METTL15: variants seen among roughly 807,000 people sequenced by gnomAD.
The protein encoded by METTL15 is methyltransferase 15, mitochondrial 12S rRNA N4-cytidine, also known as 12S rRNA N(4)-cytidine methyltransferase METTL15.
In METTL15, 34 loss-of-function variants were observed where a neutral mutation model predicts 38.3. The observed-to-expected ratio is 0.89, with a 90% confidence interval of 0.68 to 1.18. The LOEUF is 1.18. METTL15 is among the 50% of genes most tolerant of loss of function. The pLI, the probability that METTL15 is intolerant of heterozygous loss-of-function variation, is 0.00. For missense variants in METTL15, 438 were observed against 498.4 expected (o/e 0.88, Z 1.15); for synonymous variants, 162 against 170.9 (o/e 0.95, Z 0.41).
intron 3 of METTL15, among the ~76,000 whole-genome samples, chr11:28,155,990 C>T (rs998443597): frequency 2.6e-5 from 4 of 152,032 alleles, no homozygotes; most frequent in Non-Finnish European, 5.9e-5. Flanking sequence ...GTGTGGTAAA[C>T]GTGACTTAGC....
chr11:28,268,801 A>G (rs556132852), intron 4 of METTL15, among the ~76,000 whole-genome samples: 2 of 152,290 alleles, frequency 1.3e-5, no homozygotes, highest in East Asian at 3.9e-4. Flanking sequence ...TATTACATCT[A>G]TCAGGGAAGA....
At chr11:28,268,113 C>T (rs1182859771) in intron 4 of METTL15, among the ~76,000 whole-genome samples, 2 of 131,842 alleles carry the variant, frequency 1.5e-5, no homozygotes, top group African/African-American at 2.8e-5. Flanking sequence ...AGGAGAATGG[C>T]GTGAACCCGA....
At chr11:28,305,059 A>G (rs1301225984) in intron 6 of METTL15, among the ~76,000 whole-genome samples, 1 of 152,198 alleles carries the variant, frequency 6.6e-6, no homozygotes, top group Non-Finnish European at 1.5e-5. Flanking sequence ...CTCGAACTCA[A>G]TCTATTACAC....
intron 6 of METTL15, among the ~76,000 whole-genome samples, chr11:28,487,317 TAAGTA>T (rs1396880472): frequency 6.6e-6 from 1 of 152,156 alleles, no homozygotes; most frequent in African/African-American, 2.4e-5. Flanking sequence ...ATAGCATAGT[TAAGTA>T]ATTTATGGTT....
intron 6 of METTL15, among the ~76,000 whole-genome samples, chr11:28,439,352 C>T (rs770756499): frequency 2.2e-4 from 33 of 152,114 alleles, no homozygotes; most frequent in Non-Finnish European, 3.5e-4. Flanking sequence ...GAATAATAAA[C>T]GCTCGCTATG....
chr11:28,238,406 G>A (rs535778730), intron 4 of METTL15, among the ~76,000 whole-genome samples: 2 of 152,316 alleles, frequency 1.3e-5, no homozygotes, highest in South Asian at 2.1e-4. Context: ...AGGACCCTCT[G>A]AGCCAGGTGT....
intron 3 of METTL15, chr11:28,163,623 AAAT>A (rs1409129250): frequency 7.6e-6 from 3 of 394,394 alleles, no homozygotes; most frequent in Non-Finnish European, 1.3e-5. Flanking sequence ...GACTTAGGTA[AAAT>A]AATGTTATCT....
chr11:28,208,843 TG>T (rs1338558382), intron 3 of METTL15, among the ~76,000 whole-genome samples: 2 of 152,054 alleles, frequency 1.3e-5, no homozygotes, highest in African/African-American at 4.8e-5. Context: ...TGGTGCTGGT[TG>T]GCTCATGAGG....
chr11:28,346,456 T>C (rs1327888059), intron 3 of METTL15, among the ~76,000 whole-genome samples: 1 of 152,178 alleles, frequency 6.6e-6, no homozygotes, highest in Non-Finnish European at 1.5e-5. Flanking sequence ...TGGAGGACTT[T>C]TTAGGCACTT....
intron 6 of METTL15, among the ~76,000 whole-genome samples, chr11:28,443,549 T>C (rs1168191512): frequency 6.6e-6 from 1 of 152,134 alleles, no homozygotes; most frequent in Non-Finnish European, 1.5e-5. Flanking sequence ...CATTCTCACA[T>C]GAATGTCTAA....
intron 3 of METTL15, among the ~76,000 whole-genome samples, chr11:28,133,152 T>G (rs1849393970): frequency 6.6e-6 from 1 of 152,158 alleles, no homozygotes; most frequent in South Asian, 2.1e-4. Flanking sequence ...GGTATCGTAA[T>G]TTTGTAAATT....
intron 6 of METTL15, among the ~76,000 whole-genome samples, chr11:28,299,423 G>A (rs1335060509): frequency 6.6e-6 from 1 of 151,928 alleles, no homozygotes; most frequent in East Asian, 1.9e-4. Context: ...AGTTTTCAGG[G>A]AAACTGCAGC....
intron 5 of METTL15, among the ~76,000 whole-genome samples, chr11:28,380,709 T>C (rs1474047111): frequency 6.6e-6 from 1 of 152,192 alleles, no homozygotes; most frequent in African/African-American, 2.4e-5. Context: ...TAAAAAGTTA[T>C]GTTTAAAAGA....
chr11:28,162,431 T>C (rs1379422145), intron 3 of METTL15, among the ~76,000 whole-genome samples: 5 of 152,156 alleles, frequency 3.3e-5, no homozygotes, highest in Admixed American at 3.3e-4. Context: ...TATTCAATAA[T>C]GTTGCAAAGC....
In METTL15 at chr11:28,264,106, C is replaced by T. The variant is rs572244022; in HGVS notation, c.408-26100C>T. On this transcript the variant is annotated intron_variant, in intron 4 of 6. Coordinates refer to ENST00000407364, the MANE Select transcript of METTL15 (RefSeq NM_001113528.2). ...GTCACACAGCTTGTTGATTCTCTGC[C>T]ACCATAATCCCCGTTCAAATCTTGT... Among the ~76,000 whole-genome samples, 3 of 152,194 alleles carry T rather than the reference C, an allele frequency of 2.0e-5. No individual in the cohort carries two copies. The South Asian group carries it at 6.2e-4, about 32-fold the overall frequency.
chr11:28,306,203 A>C (rs376989012), intron 6 of METTL15, among the ~76,000 whole-genome samples: 6 of 152,170 alleles, frequency 3.9e-5, no homozygotes, highest in African/African-American at 1.4e-4. Flanking sequence ...CTGTTACCTC[A>C]TTGCTCCATT....
chr11:28,526,682 A>G (rs990845), exon 8 of METTL15: 2 of 152,008 alleles, frequency 1.3e-5, no homozygotes, highest in Non-Finnish European at 2.9e-5. Context: ...GGTTCAGAAG[A>G]AACAAAGCCT....
intron 6 of METTL15, among the ~76,000 whole-genome samples, chr11:28,515,546 C>G (rs909482733): frequency 2.0e-5 from 3 of 152,128 alleles, no homozygotes; most frequent in Admixed American, 1.3e-4. Flanking sequence ...CCCTTCACCT[C>G]TTTTTTTGTA....
chr11:28,166,719 G>A (rs1022468588), intron 3 of METTL15, among the ~76,000 whole-genome samples: 1 of 152,146 alleles, frequency 6.6e-6, no homozygotes, highest in Non-Finnish European at 1.5e-5. Context: ...GGAGGCCAAG[G>A]TGGGCAGATC....
Sources: allele counts gnomAD v4.1 joint callset (sites outside exome capture counted in the v4.1 genomes callset), GRCh38; gene constraint gnomAD v4.1.1; transcripts MANE v1.5; gene names NCBI Gene and HGNC (gene_info 2026-07-23, HGNC 2026-07-21).